Variants in GNLY observed in about 807,000 individuals in gnomAD.
The protein encoded by GNLY is T-cell activation protein 519.
Under a neutral mutation model 18.5 loss-of-function variants are expected in GNLY, and 15 were observed. The ratio of observed to expected loss-of-function variants is 0.81; its 90% CI spans 0.54 to 1.25. GNLY has a LOEUF of 1.25. Ranked by LOEUF, GNLY falls within the 50% of genes most tolerant of loss-of-function variation. GNLY has a pLI of 0.00. For synonymous variants in GNLY, 77 were observed against 74.9 expected, an observed-to-expected ratio of 1.03 and a Z score of -0.14; for missense variants, 178 against 186.9, an observed-to-expected ratio of 0.95 and a Z score of 0.28.
intron 1 of GNLY, 107 bp downstream of exon 1, chr2:85,694,577 TC>T (rs139906137): frequency 1.0e-5 from 12 of 1,181,922 alleles, no homozygotes; most frequent in Admixed American, 2.2e-5. Context: ...TGCCCCTGCC[TC>T]CCCCCGGCCT....
At chr2:85,694,492 C>G (rs564126355) in intron 1 of GNLY, 22 bp downstream of exon 1, 14 of 1,610,240 alleles carry the variant, frequency 8.7e-6, no homozygotes, top group Non-Finnish European at 1.2e-5. Flanking sequence ...CCCTCGGGAT[C>G]GATCCTGATG....
intron 4 of GNLY, among the ~76,000 whole-genome samples, chr2:85,697,989 G>A (rs1171375245): frequency 1.3e-5 from 2 of 152,212 alleles, no homozygotes; most frequent in Non-Finnish European, 2.9e-5. Context: ...TTTTGAGATT[G>A]GAATGAGAAT....
chr2:85,695,213 C>T lies in GNLY; in HGVS notation c.53-107C>T, dbSNP rs982316331. 16 of 882,054 alleles carry T rather than the reference C, an allele frequency of 1.8e-5. No individual in the cohort carries two copies. In the South Asian group the frequency reaches 2.4e-4, roughly 13 times the overall value. The allele number at this position is 882,054 out of a possible 1,614,324, so 54.6% of individuals were successfully genotyped here. On this transcript the variant is annotated intron_variant, in intron 1 of 4. Transcript: ENST00000263863. ...TATCCTGGCCCCCTGCAAGGCCCAG[C>T]TCCTGTCCTAGGCCCTGGTCACCTC...
At chr2:85,694,813 C>G (rs1173115728) in intron 1 of GNLY, 2 of 1,458,222 alleles carry the variant, frequency 1.4e-6, no homozygotes, top group Non-Finnish European at 1.8e-6. Context: ...TCTGCGTTTC[C>G]TCGGGCCTAC....
Position 85,698,851 on chromosome 2 carries a change from C to A in GNLY, c.*277C>A. On this transcript the variant is annotated 3_prime_UTR_variant, in exon 5 of 5. Coordinates refer to ENST00000263863, the MANE Select transcript of GNLY (RefSeq NM_006433.5). ...TTCAATAAATGTCTGTCGTGTGTCCCATACACTGTTGTAGATGTTATGGAT... is the reference window on the plus strand; with the variant it reads ...TTCAATAAATGTCTGTCGTGTGTCCAATACACTGTTGTAGATGTTATGGAT... 1 of 1,402,792 alleles carries A rather than the reference C, an allele frequency of 7.1e-7. No homozygotes were observed. 86.9% of individuals were successfully genotyped at this position (1,402,792 alleles called of 1,614,324 possible).
Position 85,698,784 on chromosome 2 carries a change from G to A in GNLY, c.*210G>A, listed in dbSNP as rs941217442. ...GCTGCTTCTTCTTTGGTGGATTTGA[G>A]GGGTGGGTGTCAGTGGCATGCTGGG... On this transcript the variant is annotated 3_prime_UTR_variant, in exon 5 of 5. Coordinates refer to ENST00000263863, the MANE Select transcript of GNLY (RefSeq NM_006433.5). The A allele has an allele frequency of 1.3e-6, 2 of 1,502,864 alleles. No homozygotes were observed. The highest frequency in any genetic ancestry group is 1.8e-6 in the Non-Finnish European group (2 of 1,127,594). 93.1% of individuals were successfully genotyped at this position (1,502,864 alleles called of 1,614,324 possible).
intron 1 of GNLY, chr2:85,694,691 G>C: frequency 7.3e-7 from 1 of 1,362,616 alleles, no homozygotes; most frequent in Non-Finnish European, 9.7e-7. Flanking sequence ...ACAGGCCAGG[G>C]ATTCTGGTCC....
intron 3 of GNLY, 23 bp from the exon 4 acceptor site, chr2:85,697,483 C>G: frequency 1.9e-6 from 3 of 1,608,252 alleles, no homozygotes; most frequent in Non-Finnish European, 2.5e-6. Flanking sequence ...ATAACCATGT[C>G]CACTGTGGTG....
intron 2 of GNLY, 22 bp from the exon 3 acceptor site, chr2:85,695,936 T>A (rs1678428499): frequency 1.4e-6 from 2 of 1,443,430 alleles, no homozygotes. Flanking sequence ...GAGACCATCA[T>A]AAGGGCTTTC....
intron 4 of GNLY, 170 bp from the exon 5 acceptor site, chr2:85,698,394 C>T (rs769437262): frequency 9.6e-6 from 10 of 1,036,998 alleles, no homozygotes; most frequent in South Asian, 1.3e-5. Flanking sequence ...CTTTTCTATT[C>T]AAGGCCCCAC....
rs1446652749 is a variant in GNLY, at chr2:85,698,772, T to C, written c.*198T>C. On this transcript the variant is annotated 3_prime_UTR_variant, in exon 5 of 5. Transcript: ENST00000263863. ...ATTTTAGCCGCAGCTGCTTCTTCTTTGGTGGATTTGAGGGGTGGGTGTCAG... is the reference window on the plus strand; with the variant it reads ...ATTTTAGCCGCAGCTGCTTCTTCTTCGGTGGATTTGAGGGGTGGGTGTCAG... The C allele has an allele frequency of 5.3e-6, 8 of 1,510,890 alleles. No individual in the cohort carries two copies. The highest frequency in any genetic ancestry group is 5.0e-5 in the South Asian group (4 of 80,406). 93.6% of individuals were successfully genotyped at this position (1,510,890 alleles called of 1,614,324 possible). A position where few individuals can be genotyped will look rare whatever the true frequency, so the allele number is the denominator to read the frequency against.
At chr2:85,697,748 C>A in intron 4 of GNLY, 71 bp downstream of exon 4, 1 of 1,057,166 alleles carries the variant, frequency 9.5e-7, no homozygotes, top group Non-Finnish European at 1.4e-6. Flanking sequence ...TATATCAAAG[C>A]TGCCTCCTTA....
Position 85,698,597 on chromosome 2 carries a change from A to G in GNLY, c.*23A>G, listed in dbSNP as rs1678554199. On this transcript the variant is annotated 3_prime_UTR_variant, in exon 5 of 5. Transcript: ENST00000263863. ...TGAGCCCTCTCACCTTGTCCTGTGG[A>G]AGAAGCACAGGCTCCTGTCCTCAGA... is the stretch of plus-strand genomic sequence containing the variant. 1 of 1,613,652 alleles carries G rather than the reference A, an allele frequency of 6.2e-7. No homozygotes were observed.
chr2:85,695,030 G>A (rs1243468177), intron 1 of GNLY: 1 of 1,571,892 alleles, frequency 6.4e-7, no homozygotes, highest in Non-Finnish European at 8.6e-7. Context: ...AGGAGATTGA[G>A]GGAAGTTTCT....
At position 85,698,649 on chromosome 2, in the gene GNLY, G is replaced by C. The variant is rs373273944; in HGVS notation, c.*75G>C. On this transcript the variant is annotated 3_prime_UTR_variant, in exon 5 of 5. Coordinates refer to ENST00000263863, the MANE Select transcript of GNLY (RefSeq NM_006433.5). The stretch of plus-strand genomic sequence containing the variant: ...CCCGGGAACCTCAGCAACCTCTGCC[G>C]GCTCCTCGCTTCCTCGATCCAGAAT... 29 of 1,610,850 alleles carry C rather than the reference G, an allele frequency of 1.8e-5. No homozygotes were observed. In the East Asian group the frequency reaches 6.5e-4, roughly 36 times the overall value.
Position 85,695,952 on chromosome 2 carries a change from T to C in GNLY, c.157-6T>C, listed in dbSNP as rs1678429098. The C allele has an allele frequency of 6.4e-7, 1 of 1,574,060 alleles. No individual in the cohort carries two copies. The highest frequency in any genetic ancestry group is 8.7e-7 in the Non-Finnish European group (1 of 1,143,920). Reference sequence around the variant, plus strand: ...AGACCATCATAAGGGCTTTCTTTCCTGACAGGGTGACCTGTTGACCAAAAC... The same window carrying C: ...AGACCATCATAAGGGCTTTCTTTCCCGACAGGGTGACCTGTTGACCAAAAC... On this transcript the variant is annotated splice_region_variant and splice_polypyrimidine_tract_variant and intron_variant, in intron 2 of 4. Transcript: ENST00000263863.
chr2:85,697,439 C>A, intron 3 of GNLY, 67 bp from the exon 4 acceptor site: 5 of 1,413,860 alleles, frequency 3.5e-6, no homozygotes, highest in Non-Finnish European at 5.0e-6. Flanking sequence ...CTGCTGGAAC[C>A]TGCAGGGTGG....
At chr2:85,695,254 C>T (rs1034284696) in intron 1 of GNLY, 66 bp from the exon 2 acceptor site, 21 of 1,182,458 alleles carry the variant, frequency 1.8e-5, no homozygotes, top group Non-Finnish European at 2.3e-5. Flanking sequence ...CTCCCACCAG[C>T]CAGGAGAACG....
rs1288555144 is a variant in GNLY at position 85,694,417 on chromosome 2, C to T, written c.-2C>T. On this transcript the variant is annotated 5_prime_UTR_variant, in exon 1 of 5. Coordinates refer to ENST00000263863, the MANE Select transcript of GNLY (RefSeq NM_006433.5). ...GAAAGGCATCTCAGCGGCTGCCCCA[C>T]CATGGCTACCTGGGCCCTCCTGCTC... 1 of 1,613,900 alleles carries T rather than the reference C, an allele frequency of 6.2e-7. No homozygotes were observed. The highest frequency in any genetic ancestry group is 1.3e-5 in the African/African-American group (1 of 74,946).
Sources: gnomAD v4.1 joint callset for allele counts (sites outside exome capture counted in the v4.1 genomes callset) on GRCh38, gnomAD v4.1.1 for gene constraint, MANE v1.5 for transcripts, NCBI Gene and HGNC (gene_info 2026-07-23, HGNC 2026-07-21) for gene names.